Variants in BNIP2 observed in about 807,000 individuals in gnomAD.
BNIP2 encodes BCL2/adenovirus E1B 19 kDa protein-interacting protein 2.
In BNIP2, 36 loss-of-function variants were observed where a neutral mutation model predicts 43.4. The ratio of observed to expected loss-of-function variants is 0.83; its 90% CI spans 0.64 to 1.10. The LOEUF (loss-of-function observed/expected upper bound fraction) is 1.10, where lower values mean the gene tolerates loss of function less well. BNIP2 is among the 50% of genes least tolerant of loss of function. The probability of loss-of-function intolerance (pLI) is 0.00; values close to 1 mark genes in which losing one functional copy is unlikely to be tolerated. For synonymous variants in BNIP2, 146 were observed against 121.0 expected, an observed-to-expected ratio of 1.21 and a Z score of -1.35; for missense variants, 417 against 374.1, an observed-to-expected ratio of 1.11 and a Z score of -0.95.
rs768312735 is a variant in BNIP2 at position 59,682,533 on chromosome 15, G to T, written c.-57-19C>A. On this transcript the variant is annotated intron_variant, in intron 1 of 9. Transcript: ENST00000607373. Reference sequence around the variant, plus strand: ...CAATGTCCTATGAAGAGAGAAAAATGTATAACTTAATTTCCACTTTACTTT... The same window carrying T: ...CAATGTCCTATGAAGAGAGAAAAATTTATAACTTAATTTCCACTTTACTTT... 3 of 1,570,080 alleles carry T rather than the reference G, an allele frequency of 1.9e-6. No homozygotes were observed. In the African/African-American group the frequency reaches 4.1e-5, roughly 22 times the overall value.
At chr15:59,665,363 G>A (rs947128719) in intron 9 of BNIP2, 3 of 152,096 alleles carry the variant, frequency 2.0e-5, no homozygotes, top group Non-Finnish European at 4.4e-5. Context: ...TATGATCCCA[G>A]CACTTTGGAA....
chr15:59,688,214 G>T (rs1325804149), intron 1 of BNIP2, among the ~76,000 whole-genome samples: 1 of 152,170 alleles, frequency 6.6e-6, no homozygotes, highest in Non-Finnish European at 1.5e-5. Flanking sequence ...CAAGAAACTA[G>T]TCTGCAGGGG....
rs140994361 is a variant in BNIP2 at position 59,684,887 on chromosome 15, A to C, written c.-57-2373T>G. The stretch of plus-strand genomic sequence containing the variant: ...ACCCAATATATTCCCAACACCTACC[A>C]TGGTGCCTAGCACATAACAGGCCTA... On this transcript the variant is annotated intron_variant, in intron 1 of 9. Transcript: ENST00000607373. Among the ~76,000 whole-genome samples, 1,345 of 152,326 alleles carry C rather than the reference A, an allele frequency of 8.8e-3. 7 individuals carry two copies. Among genetic ancestry groups the C allele is most frequent in the Middle Eastern group, 0.014 (4 of 294 alleles).
intron 5 of BNIP2, among the ~76,000 whole-genome samples, chr15:59,675,109 C>T (rs1049920667): frequency 1.3e-5 from 2 of 151,640 alleles, no homozygotes; most frequent in Non-Finnish European, 2.9e-5. Flanking sequence ...ATTAGCCAGG[C>T]GTGGTGGCGT....
At chr15:59,670,616 A>G (rs1361769551) in intron 7 of BNIP2, among the ~76,000 whole-genome samples, 1 of 152,236 alleles carries the variant, frequency 6.6e-6, no homozygotes, top group Non-Finnish European at 1.5e-5. Context: ...CAATTAAATA[A>G]GGAGAAATAT....
intron 7 of BNIP2, among the ~76,000 whole-genome samples, chr15:59,670,364 G>A (rs2141994470): frequency 6.6e-6 from 1 of 152,212 alleles, no homozygotes; most frequent in East Asian, 1.9e-4. Flanking sequence ...TTGGGAGGTT[G>A]CCGCTACAGT....
At chr15:59,673,336 G>A (rs545819055) in intron 5 of BNIP2, among the ~76,000 whole-genome samples, 2 of 151,468 alleles carry the variant, frequency 1.3e-5, no homozygotes, top group East Asian at 2.0e-4. Context: ...GACTGGTCTC[G>A]AACTCCTGAC....
chr15:59,672,337 A>C (rs1326899904), intron 6 of BNIP2: 1 of 214,044 alleles, frequency 4.7e-6, no homozygotes, highest in Non-Finnish European at 9.3e-6. Flanking sequence ...GCAGTGGCAA[A>C]ATCACAGTTC....
chr15:59,682,516 T>C lies in BNIP2; in HGVS notation c.-57-2A>G. 1.3e-6 allele frequency: 2 copies of C among 1,593,934 alleles called. No homozygotes were observed. Among genetic ancestry groups the C allele is most frequent in the Non-Finnish European group, 1.7e-6 (2 of 1,173,452 alleles). On this transcript the variant is annotated splice_acceptor_variant, in intron 1 of 9. Transcript: ENST00000607373. LOFTEE classifies it low-confidence loss of function (5UTR_SPLICE). ...TTGATAATCCAGGGAGCCAATGTCC[T>C]ATGAAGAGAGAAAAATGTATAACTT...
intron 6 of BNIP2, chr15:59,672,363 T>A (rs531974192): frequency 2.8e-5 from 7 of 249,656 alleles, no homozygotes; most frequent in Admixed American, 1.0e-4. Context: ...AGCTTTGACC[T>A]CATGGGCTCA....
In BNIP2 at chr15:59,680,273, A is replaced by C; in HGVS notation, c.86T>G (p.Ile29Arg). Residue 29 changes from isoleucine (I) to arginine (R), a missense_variant, in exon 3 of 10, where the codon ATA becomes AGA. Physicochemically the swap from Ile to Arg is moderately conservative, Grantham distance 97. Coordinates refer to ENST00000607373, the MANE Select transcript of BNIP2 (RefSeq NM_004330.4). The part of the protein sequence containing the change: ...LPEDDSIEAD[I>R]LAITGPEDQP... ...GTCCTCTGGTCCAGTTATAGCTAGT[A>C]TATCTGCTTCAATACTATCATCTTC... 6.2e-7 allele frequency: 1 copy of C among 1,603,558 alleles called. No individual in the cohort carries two copies. Among genetic ancestry groups the C allele is most frequent in the Non-Finnish European group, 8.5e-7 (1 of 1,174,184 alleles).
chr15:59,684,241 A>G (rs545265082), intron 1 of BNIP2, among the ~76,000 whole-genome samples: 1 of 152,320 alleles, frequency 6.6e-6, no homozygotes, highest in East Asian at 1.9e-4. Flanking sequence ...TACACTTGTT[A>G]CCACAGAAAA....
intron 9 of BNIP2, among the ~76,000 whole-genome samples, chr15:59,664,979 T>C (rs1892480256): frequency 1.3e-5 from 2 of 152,186 alleles, no homozygotes; most frequent in African/African-American, 4.8e-5. Flanking sequence ...GAATTTAACA[T>C]TCAAGGCCGG....
At chr15:59,666,983 A>T (rs1331249060) in intron 9 of BNIP2, among the ~76,000 whole-genome samples, 1 of 152,230 alleles carries the variant, frequency 6.6e-6, no homozygotes, top group Non-Finnish European at 1.5e-5. Flanking sequence ...CAACAAAGGC[A>T]ATTCACTGTG....
At position 59,682,522 on chromosome 15, in the gene BNIP2, G is replaced by C. The variant is rs750420155; in HGVS notation, c.-57-8C>G. The C allele has an allele frequency of 1.0e-5, 16 of 1,591,234 alleles. No homozygotes were observed. The highest frequency in any genetic ancestry group is 1.4e-5 in the African/African-American group (1 of 73,516). On this transcript the variant is annotated splice_polypyrimidine_tract_variant and splice_region_variant and intron_variant, in intron 1 of 9. Coordinates refer to ENST00000607373, the MANE Select transcript of BNIP2 (RefSeq NM_004330.4). ...ATCCAGGGAGCCAATGTCCTATGAAGAGAGAAAAATGTATAACTTAATTTC... is the reference window on the plus strand; with the variant it reads ...ATCCAGGGAGCCAATGTCCTATGAACAGAGAAAAATGTATAACTTAATTTC...
intron 5 of BNIP2, chr15:59,676,713 TG>T: frequency 1.1e-6 from 1 of 904,702 alleles, no homozygotes; most frequent in Non-Finnish European, 1.7e-6. Context: ...GCGAGCGCAG[TG>T]GAGTGCCGCG....
chr15:59,688,965 T>C, intron 1 of BNIP2, 170 bp downstream of exon 1: 1 of 1,441,204 alleles, frequency 6.9e-7, no homozygotes, highest in Non-Finnish European at 9.1e-7. Context: ...AGGGCGGGGA[T>C]CCAGGAAGCA....
chr15:59,677,123 C>A, intron 5 of BNIP2: 2 of 1,602,254 alleles, frequency 1.2e-6, no homozygotes, highest in Admixed American at 1.7e-5. Flanking sequence ...AGGATATTGT[C>A]ATCAATGAGG....
At chr15:59,683,729 G>C (rs1411616634) in intron 1 of BNIP2, among the ~76,000 whole-genome samples, 1 of 152,186 alleles carries the variant, frequency 6.6e-6, no homozygotes. Flanking sequence ...TGAGGCAGGA[G>C]AATCGCTTGA....
Sources: allele counts gnomAD v4.1 joint callset (sites outside exome capture counted in the v4.1 genomes callset), GRCh38; gene constraint gnomAD v4.1.1; transcripts MANE v1.5; gene names NCBI Gene and HGNC (gene_info 2026-07-23, HGNC 2026-07-21).